The following RIC3 variants were observed in gnomAD, a reference collection of about 807,000 sequenced individuals.
RIC3 encodes the protein protein RIC-3.
In RIC3, 28 loss-of-function variants were observed where a neutral mutation model predicts 27.3. The observed-to-expected ratio is 1.02, with a 90% CI of 0.76 to 1.41. RIC3 has a LOEUF of 1.41. RIC3 is among the 40% of genes most tolerant of loss of function. RIC3 has a pLI of 0.00. For missense variants in RIC3, 501 were observed against 444.7 expected (o/e 1.13, Z -1.14); for synonymous variants, 184 against 160.4 (o/e 1.15, Z -1.11).
intron 5 of RIC3, among the ~76,000 whole-genome samples, chr11:8,120,498 T>TGG (rs2133487280): frequency 6.6e-6 from 1 of 151,810 alleles, no homozygotes; most frequent in Non-Finnish European, 1.5e-5. Flanking sequence ...GGACACAGGG[T>TGG]GAGGAACATC....
At chr11:8,125,814 AG>A (rs1946929297) in intron 5 of RIC3, among the ~76,000 whole-genome samples, 1 of 152,110 alleles carries the variant, frequency 6.6e-6, no homozygotes, top group Admixed American at 6.5e-5. Flanking sequence ...TGAGGCAGGC[AG>A]ATCACTTGAG....
downstream of RIC3, chr11:8,102,369 C>A (rs1471563205): frequency 6.6e-6 from 1 of 152,206 alleles, no homozygotes; most frequent in Non-Finnish European, 1.5e-5. Flanking sequence ...ATGGGCCCTG[C>A]AAGACACAGG....
intron 1 of RIC3, among the ~76,000 whole-genome samples, chr11:8,165,947 T>C (rs969450089): frequency 4.0e-5 from 6 of 151,696 alleles, no homozygotes; most frequent in Non-Finnish European, 8.8e-5. Flanking sequence ...CCCAGCTAAT[T>C]GAAAAAAAAC....
intron 1 of RIC3, among the ~76,000 whole-genome samples, chr11:8,142,795 C>T (rs370799002): frequency 4.5e-3 from 440 of 96,820 alleles, no homozygotes; most frequent in African/African-American, 6.2e-3. Flanking sequence ...ACTGGCAAAA[C>T]GAATCCAGCA....
chr11:8,125,525 G>GA (rs1241254456), intron 5 of RIC3, among the ~76,000 whole-genome samples: 2 of 152,062 alleles, frequency 1.3e-5, no homozygotes, highest in Non-Finnish European at 1.5e-5. Flanking sequence ...ATAAGCACAT[G>GA]AAAAAATGTT....
In RIC3 at chr11:8,140,207, A is replaced by C. The variant is rs1948895650; in HGVS notation, c.125-14T>G. The C allele has an allele frequency of 6.2e-7, 1 of 1,607,392 alleles. No homozygotes were observed. The highest frequency in any genetic ancestry group is 8.5e-7 in the Non-Finnish European group (1 of 1,175,824). On this transcript the variant is annotated splice_polypyrimidine_tract_variant and intron_variant, in intron 1 of 5. Coordinates refer to ENST00000309737, the MANE Select transcript of RIC3 (RefSeq NM_001206671.4). ...GGCCCAATTTTCCTGAGAAAATAAT[A>C]ATCACTTTTTATCTCTTCTACTATT...
At chr11:8,136,714 T>C (rs1032386672) in intron 4 of RIC3, among the ~76,000 whole-genome samples, 8 of 152,230 alleles carry the variant, frequency 5.3e-5, no homozygotes, top group African/African-American at 1.9e-4. Context: ...TCTCATTTTG[T>C]CTCAAGTAGA....
At chr11:8,166,730 TAATTA>T (rs1238260003) in intron 1 of RIC3, among the ~76,000 whole-genome samples, 1 of 151,954 alleles carries the variant, frequency 6.6e-6, no homozygotes, top group Non-Finnish European at 1.5e-5. Flanking sequence ...AAATTTTTTT[TAATTA>T]GCCAGGCATG....
At chr11:8,100,940 C>T in the RIC3 span, 2 of 1,614,170 alleles carry the variant, frequency 1.2e-6, no homozygotes, top group Non-Finnish European at 1.7e-6. Context: ...ACTCAACTTC[C>T]ATGGGCGCGT....
chr11:8,118,036 C>T (rs990820599), intron 5 of RIC3, among the ~76,000 whole-genome samples: 2 of 151,742 alleles, frequency 1.3e-5, no homozygotes, highest in African/African-American at 4.8e-5. Flanking sequence ...TCCTGGCTAA[C>T]ACGGTGAAAC....
At chr11:8,114,161 A>G (rs959766020) in intron 5 of RIC3, among the ~76,000 whole-genome samples, 2 of 152,216 alleles carry the variant, frequency 1.3e-5, no homozygotes, top group Admixed American at 1.3e-4. Context: ...TTTTCCGGAC[A>G]AAGCCAGAAT....
downstream of RIC3, chr11:8,104,830 T>G (rs1047816055): frequency 1.3e-5 from 2 of 152,112 alleles, no homozygotes; most frequent in Non-Finnish European, 2.9e-5. Context: ...AACACAGGTG[T>G]TGGAAGCCAG....
intron 5 of RIC3, among the ~76,000 whole-genome samples, chr11:8,120,068 AGGAAGG>A (rs1946274809): frequency 6.6e-6 from 1 of 152,252 alleles, no homozygotes; most frequent in Non-Finnish European, 1.5e-5. Context: ...GTGGAGAAAT[AGGAAGG>A]CTTTTACACT....
intron 1 of RIC3, among the ~76,000 whole-genome samples, chr11:8,164,114 A>T (rs1257224138): frequency 2.6e-5 from 4 of 152,214 alleles, no homozygotes; most frequent in Non-Finnish European, 5.9e-5. Flanking sequence ...TCTTTTCAAC[A>T]AATGGTGCTG....
Position 8,106,149 on chromosome 11 carries a change from G to T in RIC3, c.*4549C>A, listed in dbSNP as rs1168413354. 1 of 152,126 alleles carries T rather than the reference G, an allele frequency of 6.6e-6. No individual in the cohort carries two copies. Among genetic ancestry groups the T allele is most frequent in the Non-Finnish European group, 1.5e-5 (1 of 68,040 alleles). The allele number at this position is 152,126 out of a possible 1,614,324, so 9.4% of individuals were successfully genotyped here. On this transcript the variant is annotated 3_prime_UTR_variant, in exon 6 of 6. Transcript: ENST00000309737. Reference sequence around the variant, plus strand: ...ATTGGTATGTGCAATGACAAACTTGGTATTTTCCCATGTTGACATTATGTA... The same window carrying T: ...ATTGGTATGTGCAATGACAAACTTGTTATTTTCCCATGTTGACATTATGTA...
intron 1 of RIC3, among the ~76,000 whole-genome samples, chr11:8,143,732 G>T (rs1949332822): frequency 6.6e-6 from 1 of 152,102 alleles, no homozygotes; most frequent in Non-Finnish European, 1.5e-5. Flanking sequence ...GCAATCCTAA[G>T]CCAAAAGAAC....
Position 8,141,620 on chromosome 11 carries a change from G to C in RIC3, c.125-1427C>G, listed in dbSNP as rs866036839. Among the ~76,000 whole-genome samples, 954 of 151,638 alleles carry C rather than the reference G, an allele frequency of 6.3e-3. 12 individuals carry two copies. The highest frequency in any genetic ancestry group is 0.022 in the African/African-American group (898 of 41,288). On this transcript the variant is annotated intron_variant, in intron 1 of 5. Transcript: ENST00000309737. ...CACTGTCAACATTAGACAGATCAAC[G>C]AGACAGAAAGTCAACAAGGATACCC...
intron 1 of RIC3, among the ~76,000 whole-genome samples, chr11:8,155,388 C>T (rs1950577616): frequency 6.6e-6 from 1 of 151,942 alleles, no homozygotes; most frequent in South Asian, 2.1e-4. Flanking sequence ...CCAGCTTGGC[C>T]AACACGGTGA....
At chr11:8,093,332 C>G in the RIC3 span, among the ~76,000 whole-genome samples, 1 of 152,112 alleles carries the variant, frequency 6.6e-6, no homozygotes, top group African/African-American at 2.4e-5. Flanking sequence ...ACAGACCAGC[C>G]TGGTGTGGCT....
Sources: gnomAD v4.1 joint callset for allele counts (sites outside exome capture counted in the v4.1 genomes callset) on GRCh38, gnomAD v4.1.1 for gene constraint, MANE v1.5 for transcripts, NCBI Gene and HGNC (gene_info 2026-07-23, HGNC 2026-07-21) for gene names.